Variants in GXYLT1 observed in about 807,000 individuals in gnomAD.
The protein encoded by GXYLT1 is glucoside xylosyltransferase 1.
GXYLT1 carries 29 observed loss-of-function variants against 54.0 expected under a neutral mutation model. The observed-to-expected ratio is 0.54, with a 90% confidence interval of 0.40 to 0.73. The LOEUF (loss-of-function observed/expected upper bound fraction) is 0.73. GXYLT1 is among the 30% of genes least tolerant of loss of function. The pLI is 0.00. For synonymous variants in GXYLT1, 176 were observed against 204.1 expected, an observed-to-expected ratio of 0.86 and a Z score of 1.17; for missense variants, 490 against 553.4, an observed-to-expected ratio of 0.89 and a Z score of 1.15.
intron 3 of GXYLT1, among the ~76,000 whole-genome samples, chr12:42,116,468 G>T (rs1263555504): frequency 6.6e-6 from 1 of 152,108 alleles, no homozygotes; most frequent in Non-Finnish European, 1.5e-5. Flanking sequence ...GTGGGCGAAG[G>T]ATATCAACAG....
At chr12:42,101,910 C>T (rs746075132) in intron 5 of GXYLT1, among the ~76,000 whole-genome samples, 27 of 152,118 alleles carry the variant, frequency 1.8e-4, no homozygotes, top group Non-Finnish European at 3.2e-4. Context: ...GAACACATAG[C>T]CAAGTTTATA....
chr12:42,097,170 A>C (rs1291440926), intron 7 of GXYLT1, among the ~76,000 whole-genome samples: 1 of 146,370 alleles, frequency 6.8e-6, no homozygotes, highest in Admixed American at 6.9e-5. Context: ...TTCTTAGTTT[A>C]AAAAAAAAAA....
At chr12:42,109,970 A>T (rs1170942768) in intron 3 of GXYLT1, among the ~76,000 whole-genome samples, 5 of 152,196 alleles carry the variant, frequency 3.3e-5, no homozygotes, top group African/African-American at 1.2e-4. Flanking sequence ...GACCCTCGCA[A>T]GTTTGTCTTC....
At chr12:42,115,234 C>G (rs1267005175) in intron 3 of GXYLT1, among the ~76,000 whole-genome samples, 1 of 152,114 alleles carries the variant, frequency 6.6e-6, no homozygotes, top group Non-Finnish European at 1.5e-5. Context: ...ACAGGGATGC[C>G]CTCTCTCACC....
At chr12:42,143,244 A>G (rs1003669452) in intron 1 of GXYLT1, among the ~76,000 whole-genome samples, 1 of 152,222 alleles carries the variant, frequency 6.6e-6, no homozygotes, top group African/African-American at 2.4e-5. Context: ...ATGCTTCACA[A>G]TAACATACTA....
chr12:42,111,210 GA>G (rs1157979298), intron 3 of GXYLT1, among the ~76,000 whole-genome samples: 2 of 152,242 alleles, frequency 1.3e-5, no homozygotes, highest in African/African-American at 2.4e-5. Context: ...CAGCAACGCA[GA>G]AGACAGGTGA....
intron 3 of GXYLT1, among the ~76,000 whole-genome samples, chr12:42,111,111 A>C (rs2065451553): frequency 6.6e-6 from 1 of 152,224 alleles, no homozygotes; most frequent in Non-Finnish European, 1.5e-5. Context: ...CCCCTAGGAC[A>C]AGATTAATTC....
chr12:42,112,494 T>C (rs925301967), intron 3 of GXYLT1, among the ~76,000 whole-genome samples: 1 of 152,028 alleles, frequency 6.6e-6, no homozygotes, highest in Non-Finnish European at 1.5e-5. Context: ...ATGTGACAAA[T>C]GCAGAAGCCT....
At chr12:42,088,929 G>C (rs2065313361) in intron 7 of GXYLT1, among the ~76,000 whole-genome samples, 1 of 49,440 alleles carries the variant, frequency 2.0e-5, no homozygotes, top group South Asian at 1.2e-3. Context: ...GGAAGCTGCA[G>C]TCAATCTACA....
At chr12:42,093,725 G>C (rs1328574483) in intron 7 of GXYLT1, among the ~76,000 whole-genome samples, 1 of 151,996 alleles carries the variant, frequency 6.6e-6, no homozygotes, top group East Asian at 1.9e-4. Context: ...GCCCAGGCTG[G>C]TCTCAAACTG....
At chr12:42,141,898 C>T (rs1160284661) in intron 1 of GXYLT1, among the ~76,000 whole-genome samples, 1 of 151,596 alleles carries the variant, frequency 6.6e-6, no homozygotes, top group African/African-American at 2.4e-5. Flanking sequence ...AAAAACTGTT[C>T]CTTTCATTTT....
In GXYLT1 at chr12:42,144,762, G is replaced by C. The variant is rs1438093265; in HGVS notation, c.-116C>G. 2.8e-6 allele frequency: 2 copies of C among 706,512 alleles called. No individual in the cohort carries two copies. The highest frequency in any genetic ancestry group is 2.0e-6 in the Non-Finnish European group (1 of 500,020). The allele number at this position is 706,512 out of a possible 1,614,324, so 43.8% of individuals were successfully genotyped here. On this transcript the variant is annotated 5_prime_UTR_variant, in exon 1 of 8. Coordinates refer to ENST00000398675, the MANE Select transcript of GXYLT1 (RefSeq NM_173601.2). ...AACAAGTTCCTCACCCGCAGCCGCC[G>C]CCGCCGCCTTGCGCCCGCTCCCTTC...
chr12:42,117,565 C>G (rs551348148), intron 3 of GXYLT1, among the ~76,000 whole-genome samples: 1 of 151,770 alleles, frequency 6.6e-6, no homozygotes, highest in Non-Finnish European at 1.5e-5. Flanking sequence ...TTACATAGAC[C>G]AAGCATAAAA....
chr12:42,087,690 A>T lies in GXYLT1; in HGVS notation c.*96T>A. The T allele has an allele frequency of 2.4e-6, 2 of 834,232 alleles. No homozygotes were observed. The highest frequency in any genetic ancestry group is 3.6e-6 in the Non-Finnish European group (2 of 551,994). The allele number at this position is 834,232 out of a possible 1,614,324, so 51.7% of individuals were successfully genotyped here. A position where few individuals can be genotyped will look rare whatever the true frequency, so the allele number is the denominator to read the frequency against. Reference sequence around the variant, plus strand: ...GAAAAAAAAAATTATTCTGGAGATGAGTAATTCCTTCCTGAATACTTCATC... The same window carrying T: ...GAAAAAAAAAATTATTCTGGAGATGTGTAATTCCTTCCTGAATACTTCATC... On this transcript the variant is annotated 3_prime_UTR_variant, in exon 8 of 8. Transcript: ENST00000398675.
chr12:42,088,507 A>G (rs1159654949), intron 7 of GXYLT1, among the ~76,000 whole-genome samples: 1 of 152,208 alleles, frequency 6.6e-6, no homozygotes, highest in Non-Finnish European at 1.5e-5. Flanking sequence ...TCAGACTAGC[A>G]CAGGAAAAAG....
Position 42,144,682 on chromosome 12 carries a change from G to GCCGCCGCCGCCC in GXYLT1, c.-37_-36insGGGCGGCGGCGG. ...GCGCTCCTCCTTCGCCGCCGCCGCC[G>GCCGCCGCCGCCC]CGCCCGCCCCGACGAACTGGAGCGG... On this transcript the variant is annotated 5_prime_UTR_variant, in exon 1 of 8. Coordinates refer to ENST00000398675, the MANE Select transcript of GXYLT1 (RefSeq NM_173601.2). 7.3e-7 allele frequency: 1 copy of GCCGCCGCCGCCC among 1,371,648 alleles called. No individual in the cohort carries two copies. The highest frequency in any genetic ancestry group is 9.5e-7 in the Non-Finnish European group (1 of 1,052,310). 85.0% of individuals were successfully genotyped at this position (1,371,648 alleles called of 1,614,324 possible).
chr12:42,114,839 T>G (rs1400158054), intron 3 of GXYLT1, among the ~76,000 whole-genome samples: 3 of 152,096 alleles, frequency 2.0e-5, no homozygotes, highest in Non-Finnish European at 2.9e-5. Context: ...AAAGAGAATT[T>G]TAGACCAATA....
chr12:42,120,695 C>T (rs748068295), intron 2 of GXYLT1, among the ~76,000 whole-genome samples: 1 of 148,486 alleles, frequency 6.7e-6, no homozygotes, highest in South Asian at 2.2e-4. Context: ...CCATGTCCAA[C>T]TAATCTTTTT....
chr12:42,086,673 A>C lies in GXYLT1; in HGVS notation c.*1113T>G, dbSNP rs548089808. The C allele has an allele frequency of 1.3e-5, 2 of 152,340 alleles. No homozygotes were observed. Among genetic ancestry groups the C allele is most frequent in the African/African-American group, 4.8e-5 (2 of 41,586 alleles). The allele number at this position is 152,340 out of a possible 1,614,324, so 9.4% of individuals were successfully genotyped here. A position where few individuals can be genotyped will look rare whatever the true frequency, so the allele number is the denominator to read the frequency against. On this transcript the variant is annotated 3_prime_UTR_variant, in exon 8 of 8. Transcript: ENST00000398675. ...TAGGTGATATTCAAAAATGCACATC[A>C]ACCCAATTAAAACCACATTTTCTAC...
Sources: allele counts gnomAD v4.1 joint callset (sites outside exome capture counted in the v4.1 genomes callset), GRCh38; gene constraint gnomAD v4.1.1; transcripts MANE v1.5; gene names NCBI Gene and HGNC (gene_info 2026-07-23, HGNC 2026-07-21).